The following METTL15 variants were observed in gnomAD, a reference collection of about 807,000 sequenced individuals.
METTL15 encodes 12S rRNA N(4)-cytidine methyltransferase METTL15.
METTL15 carries 34 observed loss-of-function variants against 38.3 expected under a neutral mutation model. The observed-to-expected ratio is 0.89, with a 90% CI of 0.68 to 1.18. The LOEUF is 1.18. Among genes scored for constraint, METTL15 ranks in the 50% most tolerant of loss-of-function variants. The pLI, the probability that METTL15 is intolerant of heterozygous loss-of-function variation, is 0.00. For synonymous variants in METTL15, 162 were observed against 170.9 expected, an observed-to-expected ratio of 0.95 and a Z score of 0.41; for missense variants, 438 against 498.4, an observed-to-expected ratio of 0.88 and a Z score of 1.15.
intron 3 of METTL15, among the ~76,000 whole-genome samples, chr11:28,127,998 T>C (rs769402641): frequency 9.2e-5 from 14 of 152,148 alleles, no homozygotes; most frequent in Non-Finnish European, 1.2e-4. Context: ...GACTGGTAAA[T>C]TAAGTGTCAG....
chr11:28,345,942 G>T (rs949436591), intron 3 of METTL15, among the ~76,000 whole-genome samples: 2 of 152,116 alleles, frequency 1.3e-5, no homozygotes, highest in African/African-American at 2.4e-5. Context: ...GGTATTAAAT[G>T]ATTATTTTCT....
intron 3 of METTL15, among the ~76,000 whole-genome samples, chr11:28,205,153 T>C (rs1852272715): frequency 6.6e-6 from 1 of 151,970 alleles, no homozygotes; most frequent in Non-Finnish European, 1.5e-5. Flanking sequence ...ATGTGCACAA[T>C]GTGCAGGTTA....
At chr11:28,506,791 A>T (rs1356108048) in intron 6 of METTL15, among the ~76,000 whole-genome samples, 1 of 135,142 alleles carries the variant, frequency 7.4e-6, no homozygotes, top group Non-Finnish European at 1.5e-5. Flanking sequence ...GTTGCCCAGG[A>T]TGGAGTGCAG....
chr11:28,186,775 TA>T (rs1334043906), intron 3 of METTL15, among the ~76,000 whole-genome samples: 2 of 151,004 alleles, frequency 1.3e-5, no homozygotes, highest in African/African-American at 2.4e-5. Flanking sequence ...CATTTTTTTT[TA>T]AAAAAGAGGA....
intron 4 of METTL15, among the ~76,000 whole-genome samples, chr11:28,266,889 G>A (rs1380418290): frequency 6.6e-6 from 1 of 152,164 alleles, no homozygotes; most frequent in Non-Finnish European, 1.5e-5. Flanking sequence ...GCTGGGCGTG[G>A]TGGCTCATGC....
intron 4 of METTL15, among the ~76,000 whole-genome samples, chr11:28,223,716 G>C (rs1819816724): frequency 6.6e-6 from 1 of 152,096 alleles, no homozygotes; most frequent in Non-Finnish European, 1.5e-5. Context: ...GGAAGGCTGA[G>C]TTTTAGGCTA....
intron 2 of METTL15, among the ~76,000 whole-genome samples, chr11:28,111,217 T>C (rs1272428885): frequency 2.0e-5 from 3 of 152,186 alleles, no homozygotes; most frequent in African/African-American, 7.2e-5. Flanking sequence ...AATAAACACA[T>C]AGAGACTGAA....
chr11:28,267,472 T>C (rs1590237371), intron 4 of METTL15, among the ~76,000 whole-genome samples: 1 of 152,334 alleles, frequency 6.6e-6, no homozygotes, highest in East Asian at 1.9e-4. Flanking sequence ...CACTCTTCTC[T>C]ACTTTATGTT....
At chr11:28,433,904 T>C (rs917010199) in intron 6 of METTL15, among the ~76,000 whole-genome samples, 1 of 152,156 alleles carries the variant, frequency 6.6e-6, no homozygotes, top group African/African-American at 2.4e-5. Flanking sequence ...TAATGTTTAA[T>C]TGAAGCATTA....
At chr11:28,295,536 G>A (rs1176693630) in intron 5 of METTL15, among the ~76,000 whole-genome samples, 1 of 151,994 alleles carries the variant, frequency 6.6e-6, no homozygotes, top group Admixed American at 6.6e-5. Context: ...TGGAGGTGGA[G>A]GTTGCAATGA....
At chr11:28,507,578 C>T (rs188938207) in intron 6 of METTL15, among the ~76,000 whole-genome samples, 53 of 152,258 alleles carry the variant, frequency 3.5e-4, no homozygotes, top group Middle Eastern at 6.8e-3. Flanking sequence ...TTTGATTCAA[C>T]GGACTTCTTA....
chr11:28,328,195 G>C, intron 6 of METTL15: 2 of 1,598,678 alleles, frequency 1.3e-6, no homozygotes, highest in Non-Finnish European at 1.7e-6. Flanking sequence ...TTTCAGTTTT[G>C]ATATGGACAT....
intron 3 of METTL15, among the ~76,000 whole-genome samples, chr11:28,176,945 C>A (rs988358391): frequency 6.6e-6 from 1 of 152,016 alleles, no homozygotes; most frequent in African/African-American, 2.4e-5. Flanking sequence ...AAAGTCTAAA[C>A]TTTTCAATAA....
intron 6 of METTL15, among the ~76,000 whole-genome samples, chr11:28,509,212 G>A (rs1851655062): frequency 6.6e-6 from 1 of 152,176 alleles, no homozygotes; most frequent in African/African-American, 2.4e-5. Context: ...TTTGTGAAAT[G>A]GAGAATAAAT....
chr11:28,424,992 A>G (rs1185752155), intron 6 of METTL15, among the ~76,000 whole-genome samples: 1 of 152,198 alleles, frequency 6.6e-6, no homozygotes, highest in Non-Finnish European at 1.5e-5. Flanking sequence ...GCATGAGTCT[A>G]TACAGAGCAT....
intron 6 of METTL15, among the ~76,000 whole-genome samples, chr11:28,314,493 A>C (rs560600234): frequency 2.6e-5 from 4 of 152,204 alleles, no homozygotes; most frequent in African/African-American, 9.6e-5. Flanking sequence ...AAGGGTTCAA[A>C]TAAAGTATTT....
chr11:28,378,354 G>A lies in METTL15; in HGVS notation c.*358+16318G>A, dbSNP rs139082234. Among the ~76,000 whole-genome samples the A allele has an allele frequency of 1.4e-3, 211 of 152,322 alleles. 1 individual carries two copies. Among genetic ancestry groups the A allele is most frequent in the Admixed American group, 2.3e-3 (35 of 15,296 alleles). The stretch of plus-strand genomic sequence containing the variant: ...TGAGCCAGGTGCGGGATATAATCTC[G>A]TGGTGCATCGCTTTTTAAGCCTGTC... On this transcript the variant is annotated intron_variant and NMD_transcript_variant, in intron 5 of 7. Coordinates refer to the METTL15 transcript ENST00000532947.
At chr11:28,153,614 G>A (rs1368378468) in intron 3 of METTL15, among the ~76,000 whole-genome samples, 1 of 152,060 alleles carries the variant, frequency 6.6e-6, no homozygotes, top group Non-Finnish European at 1.5e-5. Flanking sequence ...TAGTCTGTTG[G>A]TTGCTTGTAA....
At position 28,156,379 on chromosome 11, in the gene METTL15, C is replaced by G. The variant is rs1020180344; in HGVS notation, c.270+42775C>G. Among the ~76,000 whole-genome samples, 3 of 152,128 alleles carry G rather than the reference C, an allele frequency of 2.0e-5. 1 individual carries two copies. Among genetic ancestry groups the G allele is most frequent in the Admixed American group, 1.3e-4 (2 of 15,266 alleles). Reference sequence around the variant, plus strand: ...ATAAATGCATTTCATGTTTTTGAGACTTCAACATAAATAGATTTCAGTGTG... The same window carrying G: ...ATAAATGCATTTCATGTTTTTGAGAGTTCAACATAAATAGATTTCAGTGTG... On this transcript the variant is annotated intron_variant, in intron 3 of 6. Coordinates refer to ENST00000407364, the MANE Select transcript of METTL15 (RefSeq NM_001113528.2).
Sources: gnomAD v4.1 joint callset for allele counts (sites outside exome capture counted in the v4.1 genomes callset) on GRCh38, gnomAD v4.1.1 for gene constraint, MANE v1.5 for transcripts, NCBI Gene and HGNC (gene_info 2026-07-23, HGNC 2026-07-21) for gene names.